The following EHBP1L1 variants were observed in gnomAD, a reference collection of about 807,000 sequenced individuals.
EHBP1L1 encodes EH domain binding protein 1 like 1, also known as EH domain-binding protein 1-like protein 1.
In EHBP1L1, 122 loss-of-function variants were observed where a neutral mutation model predicts 151.1. The ratio of observed to expected loss-of-function variants is 0.81; its 90% CI spans 0.70 to 0.94. The LOEUF (loss-of-function observed/expected upper bound fraction) is 0.94, where lower values mean the gene tolerates loss of function less well. Among genes scored for constraint, EHBP1L1 ranks in the 40% least tolerant of loss-of-function variants. EHBP1L1 has a pLI of 0.00. For missense variants in EHBP1L1, 1,941 were observed against 1,959.8 expected (o/e 0.99, Z 0.18); for synonymous variants, 878 against 810.1 (o/e 1.08, Z -1.42).
At chr11:65,586,115 G>A (rs768984260) in intron 12 of EHBP1L1, among the ~76,000 whole-genome samples, 4 of 152,186 alleles carry the variant, frequency 2.6e-5, no homozygotes, top group Non-Finnish European at 4.4e-5. Context: ...GGACTCTGGC[G>A]TACATCTTTA....
Position 65,580,360 on chromosome 11 carries a change from C to A in EHBP1L1, c.515C>A (p.Ala172Glu), listed in dbSNP as rs1461957847. ...AGGGACGATGACATGCAGAGTCTCG[C>A]AAGCCTCATGAGTGTGAAGCCTAGT... ...RATDDDMQSLASLMSVKPSDV... is the reference protein window; with the variant it reads ...RATDDDMQSLESLMSVKPSDV... The change falls in exon 6 of 19, where the codon GCA becomes GAA. Residue 172 changes from alanine to glutamate, a missense_variant. Transcript: ENST00000309295. The A allele has an allele frequency of 2.5e-6, 4 of 1,613,698 alleles. No homozygotes were observed. The South Asian group carries it at 4.4e-5, about 18-fold the overall frequency.
Position 65,581,231 on chromosome 11 carries a change from G to A in EHBP1L1, c.724G>A (p.Glu242Lys), listed in dbSNP as rs1857588657. The A allele has an allele frequency of 1.2e-6, 2 of 1,610,570 alleles. No individual in the cohort carries two copies. The highest frequency in any genetic ancestry group is 2.7e-5 in the African/African-American group (2 of 74,930). ...CTCAGTTGCCAGCCCTTCTAATGCT[G>A]AGGATACCAGCCCAGCCCCTGTGAG... The part of the protein sequence containing the change: ...QQAVASPSNA[E>K]DTSPAPVSAP... Residue 242 changes from glutamate (E) to lysine (K), a missense_variant, in exon 8 of 19, where the codon GAG becomes AAG. Physicochemically the swap from Glu to Lys is moderately conservative, Grantham distance 56. Coordinates refer to ENST00000309295, the MANE Select transcript of EHBP1L1 (RefSeq NM_001099409.3).
Position 65,580,203 on chromosome 11 carries a change from G to A in EHBP1L1, c.435G>A (p.Val145=). Residue 145 remains valine (V), a synonymous_variant, in exon 5 of 19, where the codon GTG becomes GTA. Transcript: ENST00000309295. The part of the protein sequence containing the change: ...LRLKPKSVKV[V]QAELSLTLSG... ...TGAAGCCAAAGTCAGTGAAGGTGGT[G>A]CAGGCTGAGCTGAGCCTCACTCTTT... 1.2e-6 allele frequency: 2 copies of A among 1,613,614 alleles called. No homozygotes were observed. Among genetic ancestry groups the A allele is most frequent in the Non-Finnish European group, 1.7e-6 (2 of 1,179,888 alleles).
At chr11:65,580,959 C>A in intron 6 of EHBP1L1, 99 bp from the exon 7 acceptor site, 1 of 1,476,732 alleles carries the variant, frequency 6.8e-7, no homozygotes, top group Non-Finnish European at 9.0e-7. Flanking sequence ...CAGGGCGTTT[C>A]CCAGGTAGGA....
chr11:65,582,454 C>T lies in EHBP1L1; in HGVS notation c.1782C>T (p.Phe594=). ...TQEKEVEGSG[F]PETRTLEIEI... ...AGAAAGAAGTTGAGGGGTCAGGGTT[C>T]CCAGAGACTAGGACACTAGAAATTG... Residue 594 remains phenylalanine (F), a synonymous_variant, in exon 9 of 19, where the codon TTC becomes TTT. Transcript: ENST00000309295. 6.2e-7 allele frequency: 1 copy of T among 1,612,110 alleles called. No individual in the cohort carries two copies.
At chr11:65,583,812 C>G in intron 9 of EHBP1L1, 47 bp downstream of exon 9, 1 of 1,444,240 alleles carries the variant, frequency 6.9e-7, no homozygotes, top group Non-Finnish European at 9.1e-7. Context: ...TTCCCACTAA[C>G]CTGGGGCTGA....
At chr11:65,579,884 C>T in intron 3 of EHBP1L1, 52 bp from the exon 4 acceptor site, 1 of 1,596,724 alleles carries the variant, frequency 6.3e-7, no homozygotes, top group Non-Finnish European at 8.6e-7. Flanking sequence ...AAGCTCTGCT[C>T]CCTTTGCTGC....
rs748451038 is a variant in EHBP1L1 at position 65,589,774 on chromosome 11, C to T, written c.3957C>T (p.Ser1319=). 9.4e-5 allele frequency: 146 copies of T among 1,555,128 alleles called. No homozygotes were observed. The highest frequency in any genetic ancestry group is 1.3e-4 in the Non-Finnish European group (145 of 1,149,484). ...AAAEGQAPDP[S]PAPGPPTAAD... ...AGGAAGGCCAGGCCCCTGACCCCAG[C>T]CCTGCCCCAGGCCCACCCACAGCTG... Residue 1319 remains serine (S), a synonymous_variant, in exon 13 of 19, where the codon AGC becomes AGT. Coordinates refer to ENST00000309295, the MANE Select transcript of EHBP1L1 (RefSeq NM_001099409.3).
intron 12 of EHBP1L1, among the ~76,000 whole-genome samples, chr11:65,589,283 C>T (rs948578): frequency 0.45 from 67,656 of 152,010 alleles, 15,961 homozygotes; most frequent in South Asian, 0.51. Context: ...CGGGTGGCTA[C>T]TTGGGAGGCT....
intron 18 of EHBP1L1, 22 bp from the exon 19 acceptor site, chr11:65,592,181 G>A (rs1176699411): frequency 1.3e-6 from 2 of 1,590,264 alleles, no homozygotes; most frequent in Non-Finnish European, 1.7e-6. Context: ...ACGGAGCGCT[G>A]ACTCGAACCC....
rs1258124029 is a variant in EHBP1L1 at position 65,584,269 on chromosome 11, A to G, written c.3122A>G (p.Gln1041Arg). 1 of 1,610,776 alleles carries G rather than the reference A, an allele frequency of 6.2e-7. No individual in the cohort carries two copies. The highest frequency in any genetic ancestry group is 1.3e-5 in the African/African-American group (1 of 74,708). The part of the protein sequence containing the change: ...QAPPALVSSS[Q>R]SLLEWCQEVT... ...CCACCTGCCCTGGTCAGCTCCAGCC[A>G]GTCCCTGCTGGAGTGGTGCCAGGAA... The change falls in exon 10 of 19, where the codon CAG becomes CGG. Residue 1041 changes from glutamine (Q) to arginine (R), a missense_variant. Coordinates refer to ENST00000309295, the MANE Select transcript of EHBP1L1 (RefSeq NM_001099409.3).
Position 65,585,114 on chromosome 11 carries a change from G to GGGCGGC in EHBP1L1, c.3464_3469dup (p.Gly1155_Gly1156dup), listed in dbSNP as rs753919039. 2 of 1,508,844 alleles carry GGGCGGC rather than the reference G, an allele frequency of 1.3e-6. No individual in the cohort carries two copies. Among genetic ancestry groups the GGGCGGC allele is most frequent in the Non-Finnish European group, 1.8e-6 (2 of 1,136,428 alleles). 93.5% of individuals were successfully genotyped at this position (1,508,844 alleles called of 1,614,324 possible). ...AGGAGCTGCAGCTGGTACAACTGGAGGGCGGCGGCGGCGCCGGCACGTACC... is the reference window on the plus strand; with the variant it reads ...AGGAGCTGCAGCTGGTACAACTGGAGGGCGGCGGCGGCGGCGGCGCCGGCACGTACC... On this transcript the variant is annotated inframe_insertion, in exon 12 of 19. Transcript: ENST00000309295. The surrounding 1 kb of genome is among the most constrained non-coding windows in gnomAD (Gnocchi z 4.0).
chr11:65,591,907 CAG>C lies in EHBP1L1; in HGVS notation c.4357+37_4357+38del, dbSNP rs576022652. On this transcript the variant is annotated intron_variant, in intron 17 of 18. Transcript: ENST00000309295. Reference sequence around the variant, plus strand: ...TGGGCTCAGGGGCCGGGAGGCAAGACAGAGCCAGGGTGGAGGCGGCACAGCCC... The same window carrying C: ...TGGGCTCAGGGGCCGGGAGGCAAGACAGCCAGGGTGGAGGCGGCACAGCCC... The C allele has an allele frequency of 3.6e-3, 5,798 of 1,606,764 alleles. 11 individuals carry two copies. The highest frequency in any genetic ancestry group is 4.6e-3 in the Non-Finnish European group (5,431 of 1,175,776).
rs925452173 is a variant in EHBP1L1, at chr11:65,584,182, A to G, written c.3094-59A>G. On this transcript the variant is annotated intron_variant, in intron 9 of 18. Transcript: ENST00000309295. Reference sequence around the variant, plus strand: ...TGTGTGCCAGGCATGAGCTTCCCCAAGAGGCAGAGGGCATACATCCCATTT... The same window carrying G: ...TGTGTGCCAGGCATGAGCTTCCCCAGGAGGCAGAGGGCATACATCCCATTT... 1.7e-5 allele frequency: 26 copies of G among 1,568,368 alleles called. No individual in the cohort carries two copies. The Admixed American group carries it at 5.4e-4, about 33-fold the overall frequency.
At position 65,590,555 on chromosome 11, in the gene EHBP1L1, A is replaced by T; in HGVS notation, c.4246A>T (p.Asn1416Tyr). ...QEWFTLVNKK[N>Y]ALIRRQDQLQ... ...GTGGTTCACCCTGGTCAACAAGAAG[A>T]ACGCTCTCATCCGGAGGCAGGACCA... Residue 1416 changes from asparagine to tyrosine, a missense_variant, in exon 16 of 19, where the codon AAC becomes TAC. Physicochemically the swap from Asn to Tyr is moderately radical, Grantham distance 143. Coordinates refer to ENST00000309295, the MANE Select transcript of EHBP1L1 (RefSeq NM_001099409.3). 6.2e-7 allele frequency: 1 copy of T among 1,613,670 alleles called. No homozygotes were observed. Among genetic ancestry groups the T allele is most frequent in the Non-Finnish European group, 8.5e-7 (1 of 1,179,828 alleles).
Position 65,585,234 on chromosome 11 carries a change from G to T in EHBP1L1, c.3576G>T (p.Glu1192Asp), listed in dbSNP as rs1296224815. The T allele has an allele frequency of 6.3e-5, 71 of 1,125,784 alleles. No individual in the cohort carries two copies. The highest frequency in any genetic ancestry group is 7.4e-5 in the Non-Finnish European group (68 of 919,540). 69.7% of individuals were successfully genotyped at this position (1,125,784 alleles called of 1,614,324 possible). Residue 1192 changes from glutamate (E) to aspartate (D), a missense_variant, in exon 12 of 19, where the codon GAG (glutamate) becomes GAT (aspartate). By Grantham distance (45) the Glu-to-Asp change is conservative. Coordinates refer to ENST00000309295, the MANE Select transcript of EHBP1L1 (RefSeq NM_001099409.3). This position sits in a 1 kb window ranked among gnomAD's most constrained non-coding sequence, Gnocchi z 4.0. ...GTCACGGGGCCGAGGGGCCCCAGGA[G>T]CCCAAGGAGGCCGCAGACCGCGCAG... is the stretch of plus-strand genomic sequence containing the variant. ...LRGHGAEGPQ[E>D]PKEAADRADG...
At chr11:65,580,982 T>G in intron 6 of EHBP1L1, 76 bp from the exon 7 acceptor site, 1 of 1,525,528 alleles carries the variant, frequency 6.6e-7, no homozygotes, top group Non-Finnish European at 8.8e-7. Flanking sequence ...TGCACTGTAG[T>G]TGGGGGAGGG....
rs373079884 is a variant in EHBP1L1 at position 65,580,265 on chromosome 11, T to C, written c.491+6T>C. 3.7e-6 allele frequency: 6 copies of C among 1,613,176 alleles called. No individual in the cohort carries two copies. The highest frequency in any genetic ancestry group is 5.1e-6 in the Non-Finnish European group (6 of 1,179,572). ...CTGCGGGAGGGCCGTGCCACGTGAG[T>C]GCCTACCTGCCCTCCTTGATCCTGG... On this transcript the variant is annotated splice_donor_region_variant and intron_variant, in intron 5 of 18. Transcript: ENST00000309295.
chr11:65,584,949 C>T lies in EHBP1L1; in HGVS notation c.3301-10C>T, dbSNP rs1488557709. ...CGCCGCCGCTGACCCCGAGTGCACC[C>T]TTCCCCTAGGCCTTCGATGGCTTCG... On this transcript the variant is annotated splice_polypyrimidine_tract_variant and intron_variant, in intron 11 of 18. Coordinates refer to ENST00000309295, the MANE Select transcript of EHBP1L1 (RefSeq NM_001099409.3). The T allele has an allele frequency of 2.6e-6, 4 of 1,533,034 alleles. No individual in the cohort carries two copies. Among genetic ancestry groups the T allele is most frequent in the Non-Finnish European group, 3.5e-6 (4 of 1,145,650 alleles). The allele number at this position is 1,533,034 out of a possible 1,614,324, so 95.0% of individuals were successfully genotyped here.
Sources: allele counts gnomAD v4.1 joint callset (sites outside exome capture counted in the v4.1 genomes callset), GRCh38; gene constraint gnomAD v4.1.1; non-coding constraint Gnocchi (gnomAD v3.1); transcripts MANE v1.5; gene names NCBI Gene and HGNC (gene_info 2026-07-23, HGNC 2026-07-21).